Variants in PSAP observed in about 807,000 individuals in gnomAD.
The protein encoded by PSAP is precursor of saposins.
In PSAP, 25 loss-of-function variants were observed where a neutral mutation model predicts 66.0. The observed-to-expected ratio is 0.38, with a 90% CI of 0.28 to 0.53. The LOEUF (loss-of-function observed/expected upper bound fraction) is 0.53, where lower values mean the gene tolerates loss of function less well. PSAP is among the 20% of genes least tolerant of loss of function. The probability of loss-of-function intolerance (pLI) is 0.83; values close to 1 mark genes in which losing one functional copy is unlikely to be tolerated. For synonymous variants in PSAP, 273 were observed against 258.9 expected (o/e 1.05, Z -0.52); for missense variants, 649 against 668.8 (o/e 0.97, Z 0.33).
At chr10:71,848,883 A>AACCAAGGCC (rs1461457730) in intron 1 of PSAP, among the ~76,000 whole-genome samples, 1 of 152,244 alleles carries the variant, frequency 6.6e-6, no homozygotes. Context: ...AGCAAAGTTA[A>AACCAAGGCC]ACCAAGGCCA....
intron 1 of PSAP, among the ~76,000 whole-genome samples, chr10:71,836,471 C>G (rs1421534422): frequency 6.6e-6 from 1 of 152,108 alleles, no homozygotes; most frequent in African/African-American, 2.4e-5. Flanking sequence ...CCCTAGCAGG[C>G]CCTGGGCCCC....
intron 1 of PSAP, among the ~76,000 whole-genome samples, chr10:71,842,164 A>G (rs1362463424): frequency 1.3e-5 from 2 of 152,182 alleles, no homozygotes; most frequent in Non-Finnish European, 2.9e-5. Flanking sequence ...CTCATGATAA[A>G]ACCAAGACAT....
intron 4 of PSAP, among the ~76,000 whole-genome samples, chr10:71,830,757 T>C (rs1370904512): frequency 6.6e-6 from 1 of 152,244 alleles, no homozygotes; most frequent in Non-Finnish European, 1.5e-5. Flanking sequence ...ATTCCCTGAA[T>C]TATTCCTTGA....
intron 6 of PSAP, among the ~76,000 whole-genome samples, chr10:71,826,699 C>A (rs1842404034): frequency 6.6e-6 from 1 of 151,638 alleles, no homozygotes; most frequent in Non-Finnish European, 1.5e-5. Flanking sequence ...TATGATTGTG[C>A]CACCGCACTC....
chr10:71,835,412 T>A (rs1353674885), intron 1 of PSAP, among the ~76,000 whole-genome samples: 1 of 151,840 alleles, frequency 6.6e-6, no homozygotes. Context: ...AAACCTCATC[T>A]CTACAAAAAA....
At chr10:71,827,453 G>A (rs1480288809) in intron 6 of PSAP, among the ~76,000 whole-genome samples, 5 of 151,122 alleles carry the variant, frequency 3.3e-5, no homozygotes, top group Non-Finnish European at 7.4e-5. Context: ...AAGGCCGGGC[G>A]CAGAGACTCA....
chr10:71,847,158 A>C, intron 1 of PSAP, among the ~76,000 whole-genome samples: 1 of 152,126 alleles, frequency 6.6e-6, no homozygotes, highest in East Asian at 1.9e-4. Flanking sequence ...GTTTGTTCTC[A>C]AAACAACCTG....
intron 1 of PSAP, among the ~76,000 whole-genome samples, chr10:71,835,445 A>C (rs1842603488): frequency 1.3e-5 from 2 of 151,732 alleles, no homozygotes; most frequent in African/African-American, 4.8e-5. Context: ...GGTAGCACGC[A>C]CCTGTGATCC....
chr10:71,845,576 G>C (rs1232209503), intron 1 of PSAP, among the ~76,000 whole-genome samples: 1 of 152,198 alleles, frequency 6.6e-6, no homozygotes, highest in Non-Finnish European at 1.5e-5. Context: ...AGGGCCTGGG[G>C]ACAGCAGTGG....
At chr10:71,841,533 C>T (rs1001393710) in intron 1 of PSAP, among the ~76,000 whole-genome samples, 5 of 152,108 alleles carry the variant, frequency 3.3e-5, no homozygotes, top group Non-Finnish European at 5.9e-5. Flanking sequence ...GTTGCTTTCA[C>T]CACAGAGGGC....
In PSAP at chr10:71,816,466, A is replaced by T. The variant is rs1010096456; in HGVS notation, c.*975T>A. 4.2e-6 allele frequency: 2 copies of T among 471,154 alleles called. No individual in the cohort carries two copies. The highest frequency in any genetic ancestry group is 4.7e-5 in the Admixed American group (2 of 42,584). 29.2% of individuals were successfully genotyped at this position (471,154 alleles called of 1,614,324 possible). Reference sequence around the variant, plus strand: ...CCAAGTGGGCCACAGACAGCTTCCAACCCCCACACCCCAGCATCCAATCCA... The same window carrying T: ...CCAAGTGGGCCACAGACAGCTTCCATCCCCCACACCCCAGCATCCAATCCA... On this transcript the variant is annotated 3_prime_UTR_variant, in exon 14 of 14. Coordinates refer to ENST00000394936, the MANE Select transcript of PSAP (RefSeq NM_002778.4).
chr10:71,848,924 A>G (rs1335490362), intron 1 of PSAP, among the ~76,000 whole-genome samples: 2 of 152,216 alleles, frequency 1.3e-5, no homozygotes, highest in East Asian at 3.8e-4. Flanking sequence ...CCGAGTGTTC[A>G]CGGAAGAGGG....
In PSAP at chr10:71,828,977, ATCT is replaced by A; in HGVS notation, c.473_475del (p.Lys158del). The A allele has an allele frequency of 1.9e-6, 3 of 1,614,048 alleles. No homozygotes were observed. The highest frequency in any genetic ancestry group is 2.5e-6 in the Non-Finnish European group (3 of 1,179,998). ...CACCTCAGTCATGTCCAGCTCTGGGATCTTATTGGACTCCAGCTGCTTCTGGTG... is the reference window on the plus strand; with the variant it reads ...CACCTCAGTCATGTCCAGCTCTGGGATATTGGACTCCAGCTGCTTCTGGTG... On this transcript the variant is annotated inframe_deletion, in exon 5 of 14. Coordinates refer to ENST00000394936, the MANE Select transcript of PSAP (RefSeq NM_002778.4).
At chr10:71,844,930 T>C (rs955642851) in intron 1 of PSAP, 1 of 152,198 alleles carries the variant, frequency 6.6e-6, no homozygotes, top group Non-Finnish European at 1.5e-5. Flanking sequence ...GGTTTGAAAA[T>C]GTATTCCCAC....
At position 71,816,578 on chromosome 10, in the gene PSAP, A is replaced by G. The variant is rs1347630122; in HGVS notation, c.*863T>C. ...CATCCATATTTATTTGAAAAGGTCA[A>G]AAGGAGCATCTATGAGACAAGGGAG... On this transcript the variant is annotated 3_prime_UTR_variant, in exon 14 of 14. Transcript: ENST00000394936. 1.4e-5 allele frequency: 6 copies of G among 434,040 alleles called. No individual in the cohort carries two copies. In the East Asian group the frequency reaches 4.4e-4, roughly 32 times the overall value. 26.9% of individuals were successfully genotyped at this position (434,040 alleles called of 1,614,324 possible).
chr10:71,820,451 C>T (rs1842277670), intron 8 of PSAP, 116 bp from the exon 9 acceptor site: 3 of 807,716 alleles, frequency 3.7e-6, no homozygotes, highest in Non-Finnish European at 6.6e-6. Context: ...TCAAGGGCCA[C>T]TGCCTCCTGA....
At chr10:71,845,619 T>TG (rs1387508372) in intron 1 of PSAP, among the ~76,000 whole-genome samples, 1 of 152,202 alleles carries the variant, frequency 6.6e-6, no homozygotes, top group Non-Finnish European at 1.5e-5. Flanking sequence ...TACTCCATTC[T>TG]ACTGACTGAC....
chr10:71,847,747 T>C (rs113275801), intron 1 of PSAP, among the ~76,000 whole-genome samples: 4 of 152,000 alleles, frequency 2.6e-5, no homozygotes, highest in African/African-American at 9.7e-5. Flanking sequence ...TCAGGAATTA[T>C]ACTCTTATTT....
chr10:71,831,814 C>A, intron 3 of PSAP, 32 bp downstream of exon 3: 1 of 1,608,380 alleles, frequency 6.2e-7, no homozygotes, highest in Non-Finnish European at 8.5e-7. Context: ...GTGCCCGTGG[C>A]TCAAGCACCA....
Sources: allele counts gnomAD v4.1 joint callset (sites outside exome capture counted in the v4.1 genomes callset), GRCh38; gene constraint gnomAD v4.1.1; transcripts MANE v1.5; gene names NCBI Gene and HGNC (gene_info 2026-07-23, HGNC 2026-07-21).